GRID2: variants seen among roughly 807,000 people sequenced by gnomAD.
GRID2 encodes the protein glutamate receptor ionotropic, delta-2.
A neutral mutation model predicts 114.8 loss-of-function variants in GRID2; 33 were observed. The observed-to-expected ratio is 0.29, with a 90% confidence interval of 0.22 to 0.38. GRID2 has a LOEUF of 0.38. Ranked by LOEUF, GRID2 falls within the 10% of genes least tolerant of loss-of-function variation. The pLI, the probability that GRID2 is intolerant of heterozygous loss-of-function variation, is 1.00. For missense variants in GRID2, 1,184 were observed against 1,257.7 expected, an observed-to-expected ratio of 0.94 and a Z score of 0.89; for synonymous variants, 505 against 449.9, an observed-to-expected ratio of 1.12 and a Z score of -1.55.
intron 1 of GRID2, among the ~76,000 whole-genome samples, chr4:92,443,658 G>T (rs754297388): frequency 2.6e-5 from 4 of 152,116 alleles, no homozygotes; most frequent in African/African-American, 9.7e-5. Context: ...AAGGAGAAGG[G>T]GTTGGAGTAC....
At chr4:92,802,113 C>T (rs1402938458) in intron 2 of GRID2, among the ~76,000 whole-genome samples, 4 of 151,706 alleles carry the variant, frequency 2.6e-5, no homozygotes, top group African/African-American at 9.7e-5. Flanking sequence ...CTAAGTTGTA[C>T]TTTTTAAAAT....
chr4:92,691,843 T>C (rs1734197781), intron 2 of GRID2, among the ~76,000 whole-genome samples: 1 of 152,198 alleles, frequency 6.6e-6, no homozygotes, highest in African/African-American at 2.4e-5. Flanking sequence ...CACCCTCATG[T>C]ACTTATAGGG....
rs1283266691 is a variant in GRID2, at chr4:93,101,686, A to G, written c.530-9062A>G. On this transcript the variant is annotated intron_variant, in intron 3 of 15. Transcript: ENST00000282020. ...GAGATTAAAATTAATCTTACTTTAC[A>G]GATGATAGTAAAGTCATTATTTTAC... 5.3e-5 allele frequency among the ~76,000 whole-genome samples: 8 copies of G among 152,158 alleles called. 1 individual carries two copies. The East Asian group carries it at 1.3e-3, about 26-fold the overall frequency.
chr4:93,222,504 T>C (rs1745001616), intron 6 of GRID2, among the ~76,000 whole-genome samples: 1 of 151,692 alleles, frequency 6.6e-6, no homozygotes, highest in South Asian at 2.1e-4. Flanking sequence ...CTAGGGTACA[T>C]GTGCACAATG....
intron 2 of GRID2, among the ~76,000 whole-genome samples, chr4:93,068,145 A>C (rs902217885): frequency 6.6e-6 from 1 of 152,090 alleles, no homozygotes; most frequent in Non-Finnish European, 1.5e-5. Flanking sequence ...ATTCAAATGC[A>C]TTTTATGCTA....
chr4:93,494,276 C>T (rs996198988), intron 12 of GRID2, among the ~76,000 whole-genome samples: 4 of 151,740 alleles, frequency 2.6e-5, no homozygotes, highest in African/African-American at 9.7e-5. Context: ...CATTGGCAAA[C>T]ACATGCCAAC....
At chr4:92,597,645 T>G (rs906612887) in intron 2 of GRID2, among the ~76,000 whole-genome samples, 8 of 152,160 alleles carry the variant, frequency 5.3e-5, no homozygotes, top group Non-Finnish European at 1.0e-4. Context: ...CCAATTCTTT[T>G]CTCCTAATAA....
Position 92,958,778 on chromosome 4 carries a change from A to G in GRID2, c.245-126217A>G, listed in dbSNP as rs193215093. Among the ~76,000 whole-genome samples the G allele has an allele frequency of 1.1e-4, 16 of 152,192 alleles. No homozygotes were observed. The East Asian group carries it at 3.1e-3, about 29-fold the overall frequency. On this transcript the variant is annotated intron_variant, in intron 2 of 15. Coordinates refer to ENST00000282020, the MANE Select transcript of GRID2 (RefSeq NM_001510.4). ...CTTCCTTGAATGTGTGGTAGAATTC[A>G]TGAGTGAACCCATCTGGGCCTTGTA...
At chr4:93,790,938 C>T (rs911294974) in intron 1 of GRID2, among the ~76,000 whole-genome samples, 15 of 152,110 alleles carry the variant, frequency 9.9e-5, no homozygotes, top group African/African-American at 2.9e-4. Flanking sequence ...CTTTAATAGA[C>T]GTAAAACACT....
chr4:92,865,675 T>C (rs1004774709), intron 2 of GRID2, among the ~76,000 whole-genome samples: 2 of 152,218 alleles, frequency 1.3e-5, no homozygotes, highest in African/African-American at 2.4e-5. Flanking sequence ...CAATTTGATA[T>C]AGAGTACAAA....
intron 9 of GRID2, among the ~76,000 whole-genome samples, chr4:93,417,126 T>TC (rs1401397054): frequency 7.2e-5 from 11 of 152,102 alleles, no homozygotes; most frequent in African/African-American, 2.4e-4. Flanking sequence ...TTTATTATTT[T>TC]CCCTTCTGTC....
At chr4:92,937,973 T>A (rs1480592164) in intron 2 of GRID2, among the ~76,000 whole-genome samples, 1 of 147,044 alleles carries the variant, frequency 6.8e-6, no homozygotes, top group East Asian at 2.2e-4. Flanking sequence ...TGATGGTAGC[T>A]GTGGGTTTTC....
At chr4:93,065,056 A>G in intron 2 of GRID2, among the ~76,000 whole-genome samples, 1 of 152,024 alleles carries the variant, frequency 6.6e-6, no homozygotes, top group South Asian at 2.1e-4. Context: ...GTTTTTCAAT[A>G]CAAAGTAAAA....
chr4:92,539,410 T>C (rs1045654154), intron 1 of GRID2, among the ~76,000 whole-genome samples: 14 of 152,160 alleles, frequency 9.2e-5, no homozygotes, highest in African/African-American at 3.1e-4. Context: ...TATTAAAATA[T>C]TTTTTCAAGG....
intron 14 of GRID2, among the ~76,000 whole-genome samples, chr4:93,740,577 C>A (rs577383479): frequency 1.3e-5 from 2 of 152,180 alleles, no homozygotes; most frequent in Non-Finnish European, 1.5e-5. Context: ...GTTGCTGTAG[C>A]GCCAGCCTCA....
chr4:92,699,429 G>A (rs1053100946), intron 2 of GRID2, among the ~76,000 whole-genome samples: 3 of 152,148 alleles, frequency 2.0e-5, no homozygotes, highest in Non-Finnish European at 4.4e-5. Flanking sequence ...TGTTTGGCAT[G>A]CCTGTTGTAA....
intron 4 of GRID2, among the ~76,000 whole-genome samples, chr4:93,156,727 C>T (rs769672108): frequency 7.9e-5 from 12 of 151,598 alleles, no homozygotes; most frequent in Non-Finnish European, 1.5e-4. Context: ...AAGGGATGCA[C>T]GGGAGGGATC....
chr4:92,743,137 T>A (rs559388402), intron 2 of GRID2, among the ~76,000 whole-genome samples: 1 of 152,046 alleles, frequency 6.6e-6, no homozygotes, highest in Non-Finnish European at 1.5e-5. Flanking sequence ...ATTACCCTGG[T>A]ATGATAGTGT....
In GRID2 at chr4:92,916,482, G is replaced by GTA. The variant is rs1439780192; in HGVS notation, c.245-168509_245-168508dup. On this transcript the variant is annotated intron_variant, in intron 2 of 15. Coordinates refer to ENST00000282020, the MANE Select transcript of GRID2 (RefSeq NM_001510.4). Reference sequence around the variant, plus strand: ...CCATTAACTCGTCATTTAACATTAGGTATATCTCCTAATGCTATGCCTCCC... The same window carrying GTA: ...CCATTAACTCGTCATTTAACATTAGGTATATATCTCCTAATGCTATGCCTCCC... Among the ~76,000 whole-genome samples the GTA allele has an allele frequency of 7.2e-5, 11 of 152,076 alleles. No individual in the cohort carries two copies. The East Asian group carries it at 1.9e-3, about 27-fold the overall frequency.
Sources: gnomAD v4.1 joint callset for allele counts (sites outside exome capture counted in the v4.1 genomes callset) on GRCh38, gnomAD v4.1.1 for gene constraint, MANE v1.5 for transcripts, NCBI Gene and HGNC (gene_info 2026-07-23, HGNC 2026-07-21) for gene names.